Variants in C1orf159 observed in about 807,000 individuals in gnomAD.
The protein encoded by C1orf159 is chromosome 1 open reading frame 159.
In C1orf159, 19 loss-of-function variants were observed where a neutral mutation model predicts 25.6. The ratio of observed to expected loss-of-function variants is 0.74; its 90% CI spans 0.52 to 1.09. The LOEUF (loss-of-function observed/expected upper bound fraction) is 1.09, where lower values mean the gene tolerates loss of function less well. Among genes scored for constraint, C1orf159 ranks in the 50% least tolerant of loss-of-function variants. C1orf159 has a pLI of 0.00. For synonymous variants in C1orf159, 139 were observed against 124.7 expected (o/e 1.12, Z -0.77); for missense variants, 274 against 290.6 (o/e 0.94, Z 0.42).
intron 1 of C1orf159, among the ~76,000 whole-genome samples, chr1:1,093,801 T>C (rs1645973739): frequency 6.6e-6 from 1 of 152,192 alleles, no homozygotes; most frequent in Non-Finnish European, 1.5e-5. Flanking sequence ...TTCATTTCTC[T>C]TGGGAGCAGA....
intron 1 of C1orf159, among the ~76,000 whole-genome samples, chr1:1,096,832 C>T (rs988106501): frequency 2.0e-5 from 3 of 152,180 alleles, no homozygotes; most frequent in African/African-American, 4.8e-5. Context: ...CCAGGCCATC[C>T]TCCCACCTCA....
chr1:1,113,280 G>A (rs1026593574), intron 1 of C1orf159, among the ~76,000 whole-genome samples: 6 of 151,902 alleles, frequency 3.9e-5, no homozygotes, highest in African/African-American at 9.7e-5. Context: ...AGCGAGAATC[G>A]AGGCCGCTGC....
At chr1:1,084,422 G>C in intron 8 of C1orf159, 39 bp from the exon 9 acceptor site, 1 of 1,581,078 alleles carries the variant, frequency 6.3e-7, no homozygotes, top group South Asian at 1.1e-5. Context: ...GACTCGGGAT[G>C]GCCTGGCACA....
At chr1:1,097,125 G>A (rs1227232488) in intron 1 of C1orf159, among the ~76,000 whole-genome samples, 2 of 151,994 alleles carry the variant, frequency 1.3e-5, no homozygotes, top group Non-Finnish European at 2.9e-5. Context: ...TGTTTCTTTT[G>A]AGACCGAGTC....
intron 1 of C1orf159, among the ~76,000 whole-genome samples, chr1:1,095,470 G>C (rs371551644): frequency 2.0e-5 from 3 of 152,252 alleles, no homozygotes; most frequent in African/African-American, 7.2e-5. Context: ...TTCATGTTCC[G>C]ATAGTTTGCT....
intron 1 of C1orf159, among the ~76,000 whole-genome samples, chr1:1,100,050 G>C (rs1423684909): frequency 6.6e-6 from 1 of 152,164 alleles, no homozygotes; most frequent in Non-Finnish European, 1.5e-5. Flanking sequence ...CCAGGAGTTT[G>C]AGCAGTACTA....
At chr1:1,083,812 G>T in intron 9 of C1orf159, 1 of 1,084,934 alleles carries the variant, frequency 9.2e-7, no homozygotes, top group Non-Finnish European at 1.3e-6. Context: ...CTGCACAGGG[G>T]GACGGAGGCC....
At chr1:1,113,352 C>T (rs866301173) in intron 1 of C1orf159, among the ~76,000 whole-genome samples, 1 of 151,824 alleles carries the variant, frequency 6.6e-6, no homozygotes, top group Non-Finnish European at 1.5e-5. Context: ...TGAAGGCTCA[C>T]CTGAGCTCCA....
chr1:1,096,594 G>A (rs1230908271), intron 1 of C1orf159, among the ~76,000 whole-genome samples: 5 of 152,194 alleles, frequency 3.3e-5, no homozygotes, highest in Admixed American at 6.5e-5. Context: ...TAGGTTCTCC[G>A]GTAATTAATT....
chr1:1,084,077 G>C, intron 9 of C1orf159: 1 of 1,606,604 alleles, frequency 6.2e-7, no homozygotes, highest in East Asian at 2.2e-5. Context: ...CTTTCCTGCA[G>C]ACCCCACGTC....
Position 1,087,017 on chromosome 1 carries a change from TG to T in C1orf159, c.310+121del. The T allele has an allele frequency of 9.8e-7, 1 of 1,015,606 alleles. No individual in the cohort carries two copies. Among genetic ancestry groups the T allele is most frequent in the Non-Finnish European group, 1.5e-6 (1 of 684,624 alleles). 62.9% of individuals were successfully genotyped at this position (1,015,606 alleles called of 1,614,324 possible). The stretch of plus-strand genomic sequence containing the variant: ...CTGCAGGGGCTGCCACGCTCCCCTC[TG>T]GCTGTTTTGCAGAACCCTGAGCCTG... On this transcript the variant is annotated intron_variant, in intron 6 of 9. Coordinates refer to ENST00000421241, the MANE Select transcript of C1orf159 (RefSeq NM_017891.5). The surrounding 1 kb of genome is among the most constrained non-coding windows in gnomAD (Gnocchi z 8.3).
At chr1:1,100,502 A>G (rs1172889674) in intron 1 of C1orf159, among the ~76,000 whole-genome samples, 1 of 152,044 alleles carries the variant, frequency 6.6e-6, no homozygotes, top group Non-Finnish European at 1.5e-5. Flanking sequence ...ACACATCACC[A>G]CCACTCAAAG....
At chr1:1,083,306 C>A (rs939044485) in intron 9 of C1orf159, 10 of 327,930 alleles carry the variant, frequency 3.0e-5, no homozygotes, top group South Asian at 1.3e-4. Context: ...CAGGGGGCGA[C>A]AAGCAGGCCG....
intron 1 of C1orf159, among the ~76,000 whole-genome samples, chr1:1,101,900 C>T (rs556465496): frequency 1.3e-5 from 2 of 151,746 alleles, no homozygotes; most frequent in Admixed American, 6.6e-5. Flanking sequence ...GGAGAAACCC[C>T]GTATCTACTA....
At chr1:1,090,485 C>G (rs1645911207) in intron 3 of C1orf159, 57 bp from the exon 4 acceptor site, 2 of 1,521,096 alleles carry the variant, frequency 1.3e-6, no homozygotes, top group African/African-American at 2.8e-5. Flanking sequence ...GGCTCACGCC[C>G]AGAGCAGCAG....
intron 3 of C1orf159, chr1:1,091,081 G>T: frequency 1.9e-6 from 2 of 1,030,806 alleles, no homozygotes; most frequent in South Asian, 1.6e-5. Context: ...TCCCTCAAAC[G>T]CCCCAGCCAG....
At chr1:1,086,054 C>T in intron 6 of C1orf159, 42 bp from the exon 7 acceptor site, 1 of 1,605,130 alleles carries the variant, frequency 6.2e-7, no homozygotes, top group Non-Finnish European at 8.5e-7. Flanking sequence ...GGACGGTGGC[C>T]CTGGCTCCTC....
chr1:1,095,212 T>C (rs898867833), intron 1 of C1orf159, among the ~76,000 whole-genome samples: 3 of 152,210 alleles, frequency 2.0e-5, no homozygotes, highest in Non-Finnish European at 4.4e-5. Flanking sequence ...CACATGTGTT[T>C]CCATTTTAGA....
rs981703139 is a variant in C1orf159, at chr1:1,089,948, C to T, written c.148+405G>A. Among the ~76,000 whole-genome samples, 1 of 152,242 alleles carries T rather than the reference C, an allele frequency of 6.6e-6. No homozygotes were observed. Among genetic ancestry groups the T allele is most frequent in the Non-Finnish European group, 1.5e-5 (1 of 68,040 alleles). ...GCGTCCTGTTGATTGGCATTCCACTCCACGCACCAGGGGCCAGCAGCACCT... is the reference window on the plus strand; with the variant it reads ...GCGTCCTGTTGATTGGCATTCCACTTCACGCACCAGGGGCCAGCAGCACCT... On this transcript the variant is annotated intron_variant, in intron 4 of 9. Transcript: ENST00000421241. The surrounding 1 kb of genome is among the most constrained non-coding windows in gnomAD (Gnocchi z 7.5).
Sources: allele counts gnomAD v4.1 joint callset (sites outside exome capture counted in the v4.1 genomes callset), GRCh38; gene constraint gnomAD v4.1.1; non-coding constraint Gnocchi (gnomAD v3.1); transcripts MANE v1.5; gene names NCBI Gene and HGNC (gene_info 2026-07-23, HGNC 2026-07-21).